DRC11: variants seen among roughly 807,000 people sequenced by gnomAD.
DRC11 encodes the protein IQ and AAA domain-containing protein 1.
At chr2:236,316,568 A>G in the DRC11 span, among the ~76,000 whole-genome samples, 1 of 152,232 alleles carries the variant, frequency 6.6e-6, no homozygotes, top group Admixed American at 6.5e-5. This position sits in a 1 kb window ranked among gnomAD's most constrained non-coding sequence, Gnocchi z 6.8. Flanking sequence ...TATAAAATTA[A>G]TAAGAAAGAA....
At chr2:236,405,723 C>A in the DRC11 span, among the ~76,000 whole-genome samples, 3 of 152,180 alleles carry the variant, frequency 2.0e-5, no homozygotes, top group African/African-American at 7.2e-5. This position sits in a 1 kb window ranked among gnomAD's most constrained non-coding sequence, Gnocchi z 4.6. Context: ...CATTCCAAGA[C>A]CCCAGTGCAC....
the DRC11 span, among the ~76,000 whole-genome samples, chr2:236,343,319 G>A: frequency 6.6e-6 from 1 of 152,212 alleles, no homozygotes; most frequent in Admixed American, 6.5e-5. This position sits in a 1 kb window ranked among gnomAD's most constrained non-coding sequence, Gnocchi z 6.6. Flanking sequence ...GATGTGCAGT[G>A]AGCAGGCAGC....
chr2:236,330,918 C>A, the DRC11 span, among the ~76,000 whole-genome samples: 1 of 152,162 alleles, frequency 6.6e-6, no homozygotes, highest in African/African-American at 2.4e-5. The surrounding 1 kb of genome is among the most constrained non-coding windows in gnomAD (Gnocchi z 5.5). Context: ...GATGAGTTAT[C>A]TTGTGGCTTC....
At chr2:236,338,801 T>C in the DRC11 span, among the ~76,000 whole-genome samples, 1 of 152,226 alleles carries the variant, frequency 6.6e-6, no homozygotes, top group African/African-American at 2.4e-5. Flanking sequence ...AGCTCCTGCA[T>C]CTCATGTCTG....
chr2:236,460,891 A>T, the DRC11 span, among the ~76,000 whole-genome samples: 1 of 152,208 alleles, frequency 6.6e-6, no homozygotes, highest in African/African-American at 2.4e-5. This position sits in a 1 kb window ranked among gnomAD's most constrained non-coding sequence, Gnocchi z 4.0. Context: ...AGTAGCTGGG[A>T]TTACAGGCGT....
At chr2:236,408,749 C>G in the DRC11 span, 1 of 685,548 alleles carries the variant, frequency 1.5e-6, no homozygotes, top group Admixed American at 1.9e-5. The surrounding 1 kb of genome is among the most constrained non-coding windows in gnomAD (Gnocchi z 5.5). Flanking sequence ...CGCTGATGTA[C>G]TGAGCGAAGA....
the DRC11 span, chr2:236,344,678 G>T: frequency 1.3e-6 from 2 of 1,492,224 alleles, no homozygotes; most frequent in Non-Finnish European, 9.3e-7. Context: ...GGTTGTAAAT[G>T]CACTTCCCTC....
the DRC11 span, among the ~76,000 whole-genome samples, chr2:236,449,371 G>T: frequency 2.6e-5 from 4 of 152,218 alleles, no homozygotes; most frequent in Admixed American, 6.5e-5. The surrounding 1 kb of genome is among the most constrained non-coding windows in gnomAD (Gnocchi z 5.1). Flanking sequence ...GCCAGGGCCA[G>T]CCAGACCTGC....
the DRC11 span, among the ~76,000 whole-genome samples, chr2:236,308,565 G>T: frequency 6.6e-6 from 1 of 152,204 alleles, no homozygotes; most frequent in Non-Finnish European, 1.5e-5. This position sits in a 1 kb window ranked among gnomAD's most constrained non-coding sequence, Gnocchi z 6.0. Context: ...AGCCCTCTGT[G>T]GCCAGTGTGG....
the DRC11 span, chr2:236,487,953 T>C: frequency 6.8e-6 from 9 of 1,323,052 alleles, no homozygotes; most frequent in South Asian, 1.4e-4. Flanking sequence ...GTATCTTTAG[T>C]GTATAAGGCA....
chr2:236,424,475 A>G, the DRC11 span, among the ~76,000 whole-genome samples: 1 of 152,184 alleles, frequency 6.6e-6, no homozygotes, highest in Non-Finnish European at 1.5e-5. Flanking sequence ...TTTCCTCCCC[A>G]TACTGTTAAC....
chr2:236,417,940 G>C, the DRC11 span, among the ~76,000 whole-genome samples: 1 of 152,166 alleles, frequency 6.6e-6, no homozygotes, highest in African/African-American at 2.4e-5. Context: ...AGTATTCCAT[G>C]GTGTATATGT....
At chr2:236,474,295 A>G in the DRC11 span, among the ~76,000 whole-genome samples, 2 of 152,212 alleles carry the variant, frequency 1.3e-5, no homozygotes, top group Non-Finnish European at 2.9e-5. Flanking sequence ...TGTATTGCTG[A>G]AAAAATTAAT....
the DRC11 span, among the ~76,000 whole-genome samples, chr2:236,498,300 CAA>C: frequency 1.0e-4 from 13 of 129,386 alleles, no homozygotes; most frequent in African/African-American, 1.4e-4. Flanking sequence ...TACTAAAATA[CAA>C]AAAAAAAAAA....
chr2:236,368,970 A>G, the DRC11 span: 1 of 152,256 alleles, frequency 6.6e-6, no homozygotes, highest in Non-Finnish European at 1.5e-5. Flanking sequence ...TTATTTTCTA[A>G]CTAATTTAGA....
chr2:236,465,858 A>AACT, the DRC11 span: 1 of 620,608 alleles, frequency 1.6e-6, no homozygotes. This position sits in a 1 kb window ranked among gnomAD's most constrained non-coding sequence, Gnocchi z 6.2. Flanking sequence ...AAGCAAAGCT[A>AACT]ACTGAGTGCA....
chr2:236,352,449 T>C, the DRC11 span, among the ~76,000 whole-genome samples: 5 of 152,016 alleles, frequency 3.3e-5, no homozygotes, highest in Non-Finnish European at 7.4e-5. The surrounding 1 kb of genome is among the most constrained non-coding windows in gnomAD (Gnocchi z 7.0). Context: ...TCATCTTCCT[T>C]GCACCACAGA....
At chr2:236,353,317 C>G in the DRC11 span, among the ~76,000 whole-genome samples, 2 of 152,172 alleles carry the variant, frequency 1.3e-5, no homozygotes, top group Non-Finnish European at 2.9e-5. This position sits in a 1 kb window ranked among gnomAD's most constrained non-coding sequence, Gnocchi z 5.0. Context: ...CAAATTTCCA[C>G]CGTGTGCCTT....
At chr2:236,473,371 A>G in the DRC11 span, among the ~76,000 whole-genome samples, 1 of 152,276 alleles carries the variant, frequency 6.6e-6, no homozygotes, top group Non-Finnish European at 1.5e-5. This position sits in a 1 kb window ranked among gnomAD's most constrained non-coding sequence, Gnocchi z 4.8. Context: ...ACTTGAGGTT[A>G]GTTGTTAATA....
Sources: allele counts gnomAD v4.1 joint callset (sites outside exome capture counted in the v4.1 genomes callset), GRCh38; gene constraint gnomAD v4.1.1; non-coding constraint Gnocchi (gnomAD v3.1); transcripts MANE v1.5; gene names NCBI Gene and HGNC (gene_info 2026-07-23, HGNC 2026-07-21).